Variants in STAU2 observed in about 807,000 individuals in gnomAD.
STAU2 encodes the protein double-stranded RNA-binding protein Staufen homolog 2.
Under a neutral mutation model 65.9 loss-of-function variants are expected in STAU2, and 20 were observed. The observed-to-expected ratio is 0.30, with a 90% confidence interval of 0.21 to 0.44. STAU2 has a LOEUF of 0.44. Ranked by LOEUF, STAU2 falls within the 20% of genes least tolerant of loss-of-function variation. The pLI, the probability that STAU2 is intolerant of heterozygous loss-of-function variation, is 1.00. For missense variants in STAU2, 558 were observed against 683.9 expected (o/e 0.82, Z 2.05); for synonymous variants, 232 against 233.9 (o/e 0.99, Z 0.07).
intron 4 of STAU2, among the ~76,000 whole-genome samples, chr8:73,690,628 A>G (rs1819265745): frequency 6.6e-6 from 1 of 152,212 alleles, no homozygotes; most frequent in Non-Finnish European, 1.5e-5. Flanking sequence ...AAATTGTTCA[A>G]GGAAAAATTA....
intron 13 of STAU2, among the ~76,000 whole-genome samples, chr8:73,479,712 C>CGTGTGTATGTGTGTGTGTGTGTGTGT (rs1820511657): frequency 2.8e-5 from 4 of 143,806 alleles, no homozygotes; most frequent in African/African-American, 7.8e-5. Context: ...CTTAAATATA[C>CGTGTGTATGTGTGTGTGTGTGTGTGT]GTGTGTGTGT....
intron 12 of STAU2, among the ~76,000 whole-genome samples, chr8:73,577,358 C>T (rs1809645110): frequency 6.7e-6 from 1 of 150,326 alleles, no homozygotes; most frequent in Non-Finnish European, 1.5e-5. Flanking sequence ...ACCCGGGAGG[C>T]GAAGCTTGCA....
rs550213638 is a variant in STAU2, at chr8:73,519,145, G to A, written c.1530+32867C>T. Among the ~76,000 whole-genome samples, 45 of 152,262 alleles carry A rather than the reference G, an allele frequency of 3.0e-4. No homozygotes were observed. The South Asian group carries it at 8.3e-3, about 28-fold the overall frequency. ...TCCACACCCCACAGCACTTGGCGCT[G>A]CTGACGTACAGAGCAAGCAAAGCCG... On this transcript the variant is annotated intron_variant, in intron 13 of 14. Coordinates refer to ENST00000524300, the MANE Select transcript of STAU2 (RefSeq NM_001164380.2).
In STAU2 at chr8:73,673,114, T is replaced by G. The variant is rs1817799234; in HGVS notation, c.403A>C (p.Asn135His). 1.9e-6 allele frequency: 3 copies of G among 1,572,870 alleles called. No homozygotes were observed. The highest frequency in any genetic ancestry group is 1.4e-5 in the African/African-American group (1 of 73,086). Residue 135 changes from asparagine to histidine, a missense_variant, in exon 6 of 15, where the codon AAT becomes CAT. Coordinates refer to ENST00000524300, the MANE Select transcript of STAU2 (RefSeq NM_001164380.2). The stretch of plus-strand genomic sequence containing the variant: ...CAAAAAAGACATACAAACCTCTGAT[T>G]GTACATGCCCCGAAAGTTGTAATTA... Reference protein sequence around the residue: ...RANYNFRGMYNQRYHCPVPKI... With the variant: ...RANYNFRGMYHQRYHCPVPKI...
At chr8:73,496,775 G>A (rs978314518) in intron 13 of STAU2, among the ~76,000 whole-genome samples, 1 of 151,138 alleles carries the variant, frequency 6.6e-6, no homozygotes, top group Non-Finnish European at 1.5e-5. Context: ...TTGTTTTTTG[G>A]TGCTGCCTTT....
intron 13 of STAU2, among the ~76,000 whole-genome samples, chr8:73,499,598 T>A (rs1366823109): frequency 1.3e-5 from 2 of 151,734 alleles, no homozygotes; most frequent in African/African-American, 4.8e-5. Flanking sequence ...GTTGCAATGG[T>A]GACTGGGATG....
At chr8:73,484,823 A>G (rs1820826433) in intron 13 of STAU2, among the ~76,000 whole-genome samples, 1 of 152,126 alleles carries the variant, frequency 6.6e-6, no homozygotes, top group African/African-American at 2.4e-5. Context: ...TGAGCACACT[A>G]GAGGTTAGTT....
intron 13 of STAU2, among the ~76,000 whole-genome samples, chr8:73,538,106 A>G (rs1306336940): frequency 3.3e-5 from 5 of 152,244 alleles, no homozygotes; most frequent in African/African-American, 1.2e-4. Flanking sequence ...GACTTGAGAG[A>G]CTTGACAACT....
chr8:73,732,840 C>G (rs1471776429), intron 3 of STAU2: 5 of 152,114 alleles, frequency 3.3e-5, no homozygotes, highest in Admixed American at 2.6e-4. Context: ...AATTTCCAGT[C>G]AGGCAGCAAT....
chr8:73,460,014 T>C (rs1382638879), intron 13 of STAU2, among the ~76,000 whole-genome samples: 1 of 152,114 alleles, frequency 6.6e-6, no homozygotes, highest in Non-Finnish European at 1.5e-5. Context: ...TCATTCCCCT[T>C]CTATTAGACC....
At chr8:73,531,905 T>A (rs181673046) in intron 13 of STAU2, among the ~76,000 whole-genome samples, 1 of 152,242 alleles carries the variant, frequency 6.6e-6, no homozygotes, top group Non-Finnish European at 1.5e-5. Context: ...TTGATTTTGA[T>A]GAAAGAAAAA....
intron 6 of STAU2, among the ~76,000 whole-genome samples, chr8:73,623,157 T>A (rs888727786): frequency 1.3e-5 from 2 of 152,200 alleles, no homozygotes; most frequent in Admixed American, 1.3e-4. Context: ...TATATCTGAC[T>A]GTTAGTTGTA....
At chr8:73,571,437 A>C (rs555995355) in intron 12 of STAU2, among the ~76,000 whole-genome samples, 2,112 of 152,336 alleles carry the variant, frequency 0.014, 34 homozygotes, top group African/African-American at 0.048. Context: ...AAATCAACAG[A>C]ATATACATTC....
chr8:73,439,067 G>C (rs1004951223), intron 13 of STAU2: 1 of 456,548 alleles, frequency 2.2e-6, no homozygotes, highest in South Asian at 1.5e-5. Context: ...GATGTGTCTG[G>C]ACTTCCCAGG....
chr8:73,493,010 CACTTACTTGG>C (rs1321576076), intron 13 of STAU2, among the ~76,000 whole-genome samples: 1 of 151,846 alleles, frequency 6.6e-6, no homozygotes, highest in East Asian at 1.9e-4. Context: ...AACAGACCTA[CACTTACTTGG>C]TCATTTGATT....
chr8:73,583,516 T>C (rs1810145207), intron 11 of STAU2, among the ~76,000 whole-genome samples: 1 of 152,176 alleles, frequency 6.6e-6, no homozygotes, highest in African/African-American at 2.4e-5. Context: ...AAAAGAGCTT[T>C]TGTATGATTC....
intron 3 of STAU2, among the ~76,000 whole-genome samples, chr8:73,720,411 A>G (rs897418107): frequency 1.3e-5 from 2 of 150,822 alleles, no homozygotes; most frequent in African/African-American, 2.4e-5. Context: ...AAATATATAC[A>G]TTTGGAGCTA....
At chr8:73,653,891 C>T (rs1816095004) in intron 6 of STAU2, 1 of 441,834 alleles carries the variant, frequency 2.3e-6, no homozygotes, top group Non-Finnish European at 4.5e-6. Context: ...TTAGGTAACT[C>T]TTCATCTGAA....
At chr8:73,549,538 T>C (rs921994903) in intron 13 of STAU2, 146 of 767,904 alleles carry the variant, frequency 1.9e-4, no homozygotes, top group Non-Finnish European at 2.1e-4. Context: ...AAAGTAGCTT[T>C]TTGTAATTTA....
Sources: allele counts gnomAD v4.1 joint callset (sites outside exome capture counted in the v4.1 genomes callset), GRCh38; gene constraint gnomAD v4.1.1; transcripts MANE v1.5; gene names NCBI Gene and HGNC (gene_info 2026-07-23, HGNC 2026-07-21).